Variants in SLC25A23 observed in about 807,000 individuals in gnomAD.
The protein encoded by SLC25A23 is mitochondrial adenyl nucleotide antiporter SLC25A23.
SLC25A23 carries 32 observed loss-of-function variants against 53.9 expected under a neutral mutation model. The observed-to-expected ratio is 0.59, with a 90% CI of 0.45 to 0.80. SLC25A23 has a LOEUF of 0.80. Ranked by LOEUF, SLC25A23 falls within the 30% of genes least tolerant of loss-of-function variation. The pLI is 0.00. For missense variants in SLC25A23, 575 were observed against 651.4 expected, an observed-to-expected ratio of 0.88 and a Z score of 1.28; for synonymous variants, 275 against 264.5, an observed-to-expected ratio of 1.04 and a Z score of -0.38.
Position 6,454,125 on chromosome 19 carries a change from G to A in SLC25A23, c.796-37C>T, listed in dbSNP as rs755132263. The A allele has an allele frequency of 1.3e-6, 2 of 1,586,162 alleles. No individual in the cohort carries two copies. The highest frequency in any genetic ancestry group is 2.3e-5 in the South Asian group (2 of 88,004). On this transcript the variant is annotated intron_variant, in intron 6 of 9. Transcript: ENST00000301454. This position sits in a 1 kb window ranked among gnomAD's most constrained non-coding sequence, Gnocchi z 4.3. ...AGACACAGGGATGGGTAGGACCATG[G>A]GGGTTGAACCTTCCTTGCACTCCAC...
chr19:6,457,624 CGT>C (rs2092700364), intron 2 of SLC25A23, 34 bp from the exon 3 acceptor site: 1 of 1,581,484 alleles, frequency 6.3e-7, no homozygotes, highest in African/African-American at 1.3e-5. Context: ...GAAGGATGTG[CGT>C]GTGAGGACAC....
rs2092420380 is a variant in SLC25A23, at chr19:6,441,488, T to C, written c.*487A>G. Reference sequence around the variant, plus strand: ...GAGGTACAGGGAATCCGTGCTCCTGTGGTTGGGGTGTTGGGATCCATTCAC... The same window carrying C: ...GAGGTACAGGGAATCCGTGCTCCTGCGGTTGGGGTGTTGGGATCCATTCAC... On this transcript the variant is annotated 3_prime_UTR_variant, in exon 10 of 10. Transcript: ENST00000301454. 6.1e-6 allele frequency: 1 copy of C among 164,602 alleles called. No individual in the cohort carries two copies. Among genetic ancestry groups the C allele is most frequent in the Non-Finnish European group, 1.3e-5 (1 of 74,588 alleles). 10.2% of individuals were successfully genotyped at this position (164,602 alleles called of 1,614,324 possible).
At position 6,456,470 on chromosome 19, in the gene SLC25A23, G is replaced by T; in HGVS notation, c.433C>A (p.His145Asn). 2 of 1,613,940 alleles carry T rather than the reference G, an allele frequency of 1.2e-6. No homozygotes were observed. Among genetic ancestry groups the T allele is most frequent in the Non-Finnish European group, 1.7e-6 (2 of 1,180,002 alleles). The change falls in exon 4 of 10, where the codon CAT (histidine) becomes AAT (asparagine). Residue 145 changes from histidine (H) to asparagine (N), a missense_variant. Physicochemically the swap from His to Asn is moderately conservative, Grantham distance 68. Transcript: ENST00000301454. ...WQEWRDHFLL[H>N]SLENVEDVLY... ...ACGTCCTCCACATTTTCCAGCGAAT[G>T]CAACAGGAAGTGGTCGCGCCATTCT...
At chr19:6,451,093 A>AAAT (rs1386799546) in intron 8 of SLC25A23, among the ~76,000 whole-genome samples, 1 of 146,762 alleles carries the variant, frequency 6.8e-6, no homozygotes, top group Admixed American at 6.9e-5. Flanking sequence ...AAAAAAAAAA[A>AAAT]AATTAAGAAT....
intron 8 of SLC25A23, among the ~76,000 whole-genome samples, chr19:6,445,970 A>G (rs2092498178): frequency 6.6e-6 from 1 of 152,136 alleles, no homozygotes. Context: ...CCAGCTACTC[A>G]AGAGGCTGAA....
At chr19:6,436,504 A>G (rs984966638), downstream of SLC25A23, 4 of 455,222 alleles carry the variant, frequency 8.8e-6, no homozygotes, top group African/African-American at 8.0e-5. Context: ...GGGGAGAGAG[A>G]GAGAGAGAGC....
Position 6,440,605 on chromosome 19 carries a change from T to A in SLC25A23, c.*1370A>T, listed in dbSNP as rs2092406970. On this transcript the variant is annotated 3_prime_UTR_variant, in exon 10 of 10. Transcript: ENST00000301454. Reference sequence around the variant, plus strand: ...TAGAAGGTGGGAGGGGGATGGAAGATGCTGTGAAGTGTGGGGATGCAGGGA... The same window carrying A: ...TAGAAGGTGGGAGGGGGATGGAAGAAGCTGTGAAGTGTGGGGATGCAGGGA... The A allele has an allele frequency of 2.6e-5, 4 of 151,080 alleles. No homozygotes were observed. The South Asian group carries it at 8.4e-4, about 32-fold the overall frequency. 9.4% of individuals were successfully genotyped at this position (151,080 alleles called of 1,614,324 possible).
chr19:6,454,878 G>A lies in SLC25A23; in HGVS notation c.484-161C>T, dbSNP rs1019934450. 6.6e-6 allele frequency among the ~76,000 whole-genome samples: 1 copy of A among 152,036 alleles called. No individual in the cohort carries two copies. Among genetic ancestry groups the A allele is most frequent in the Non-Finnish European group, 1.5e-5 (1 of 67,954 alleles). On this transcript the variant is annotated intron_variant, in intron 4 of 9. Coordinates refer to ENST00000301454, the MANE Select transcript of SLC25A23 (RefSeq NM_024103.3). This position sits in a 1 kb window ranked among gnomAD's most constrained non-coding sequence, Gnocchi z 4.3. ...GAAGAGTCCTGTTGGGTCCTACCAGGTGTCACCAAAGCATCTAACCTAGCA... is the reference window on the plus strand; with the variant it reads ...GAAGAGTCCTGTTGGGTCCTACCAGATGTCACCAAAGCATCTAACCTAGCA...
chr19:6,442,171 C>CGGGGGGGGCCCCCCCTGTTGGGTGGGGGG lies in SLC25A23; in HGVS notation c.1223-13_1223-12insCCCCCCACCCAACAGGGGGGGCCCCCCCC. ...ACCCTCGATGGAGGCTGGGAGGGGG[C>CGGGGGGGGCCCCCCCTGTTGGGTGGGGGG]GGGGGGGGCACCAGGTAAGGCCAAC... On this transcript the variant is annotated splice_polypyrimidine_tract_variant and intron_variant, in intron 9 of 9. Coordinates refer to ENST00000301454, the MANE Select transcript of SLC25A23 (RefSeq NM_024103.3). The CGGGGGGGGCCCCCCCTGTTGGGTGGGGGG allele has an allele frequency of 1.7e-6, 1 of 597,882 alleles. No individual in the cohort carries two copies. The highest frequency in any genetic ancestry group is 2.6e-6 in the Non-Finnish European group (1 of 384,762). 37.0% of individuals were successfully genotyped at this position (597,882 alleles called of 1,614,324 possible).
At chr19:6,436,738 CG>C (rs2092325774), downstream of SLC25A23, among the ~76,000 whole-genome samples, 1 of 151,926 alleles carries the variant, frequency 6.6e-6, no homozygotes, top group Non-Finnish European at 1.5e-5. Context: ...CTAGTAGAGA[CG>C]GGGTTGCCAT....
chr19:6,455,399 A>G (rs1045726537), intron 4 of SLC25A23, among the ~76,000 whole-genome samples: 2 of 152,084 alleles, frequency 1.3e-5, no homozygotes, highest in Non-Finnish European at 2.9e-5. Context: ...CACCTCCCCT[A>G]TAAAGACCCC....
At chr19:6,457,069 T>C (rs1454697261) in intron 3 of SLC25A23, among the ~76,000 whole-genome samples, 17 of 150,444 alleles carry the variant, frequency 1.1e-4, no homozygotes, top group South Asian at 4.2e-4. Flanking sequence ...TTCTTTCTTT[T>C]TTTTTTTTTT....
At chr19:6,450,802 A>G (rs538055211) in intron 8 of SLC25A23, among the ~76,000 whole-genome samples, 13 of 152,236 alleles carry the variant, frequency 8.5e-5, no homozygotes, top group Non-Finnish European at 1.6e-4. Context: ...ATTATTGGCC[A>G]GGTGTGGTGG....
rs745344618 is a variant in SLC25A23, at chr19:6,442,173, G to GA, written c.1223-15_1223-14insT. On this transcript the variant is annotated splice_polypyrimidine_tract_variant and intron_variant, in intron 9 of 9. Coordinates refer to ENST00000301454, the MANE Select transcript of SLC25A23 (RefSeq NM_024103.3). ...CCTCGATGGAGGCTGGGAGGGGGCG[G>GA]GGGGGGCACCAGGTAAGGCCAACGT... is the stretch of plus-strand genomic sequence containing the variant. 1.3e-6 allele frequency: 2 copies of GA among 1,484,596 alleles called. No homozygotes were observed. Among genetic ancestry groups the GA allele is most frequent in the African/African-American group, 2.8e-5 (2 of 70,336 alleles). 92.0% of individuals were successfully genotyped at this position (1,484,596 alleles called of 1,614,324 possible).
At chr19:6,444,368 G>T in intron 8 of SLC25A23, 67 bp from the exon 9 acceptor site, 1 of 1,495,456 alleles carries the variant, frequency 6.7e-7, no homozygotes, top group Non-Finnish European at 9.0e-7. Flanking sequence ...TCAAAGGCCT[G>T]CTGGCCGGTT....
downstream of SLC25A23, among the ~76,000 whole-genome samples, chr19:6,436,999 A>C (rs554140171): frequency 1.3e-5 from 2 of 150,274 alleles, no homozygotes; most frequent in South Asian, 4.2e-4. Flanking sequence ...CAGGCATGTG[A>C]CACCATGCCC....
At chr19:6,457,265 C>T (rs1244381470) in intron 3 of SLC25A23, among the ~76,000 whole-genome samples, 1 of 151,578 alleles carries the variant, frequency 6.6e-6, no homozygotes, top group African/African-American at 2.4e-5. Context: ...TGGGGTTTTA[C>T]CATGTTGGCC....
rs1026792003 is a variant in SLC25A23, at chr19:6,444,399, T to A, written c.1072-98A>T. 54 of 1,333,192 alleles carry A rather than the reference T, an allele frequency of 4.1e-5. 2 individuals carry two copies. The South Asian group carries it at 7.2e-4, about 18-fold the overall frequency. 82.6% of individuals were successfully genotyped at this position (1,333,192 alleles called of 1,614,324 possible). A position where few individuals can be genotyped will look rare whatever the true frequency, so the allele number is the denominator to read the frequency against. ...CGGTTCTGTATCCCATGACAGGTGC[T>A]ACTAGCTGAGCACTTGGTACCTCCT... is the stretch of plus-strand genomic sequence containing the variant. On this transcript the variant is annotated intron_variant, in intron 8 of 9. Coordinates refer to ENST00000301454, the MANE Select transcript of SLC25A23 (RefSeq NM_024103.3).
intron 9 of SLC25A23, chr19:6,443,748 G>A (rs2092461285): frequency 1.6e-6 from 1 of 630,690 alleles, no homozygotes; most frequent in East Asian, 2.8e-5. Context: ...TGGTGGAGGG[G>A]ACGGGGGGAA....
Sources: allele counts gnomAD v4.1 joint callset (sites outside exome capture counted in the v4.1 genomes callset), GRCh38; gene constraint gnomAD v4.1.1; non-coding constraint Gnocchi (gnomAD v3.1); transcripts MANE v1.5; gene names NCBI Gene and HGNC (gene_info 2026-07-23, HGNC 2026-07-21).